The following WWOX variants were observed in gnomAD, a reference collection of about 807,000 sequenced individuals.
WWOX encodes WW domain containing oxidoreductase.
Under a neutral mutation model 46.2 loss-of-function variants are expected in WWOX, and 69 were observed. That is an observed-to-expected ratio of 1.49 (90% CI 1.23 to 1.82). The LOEUF (loss-of-function observed/expected upper bound fraction) is 1.82. WWOX is among the 40% of genes most tolerant of loss of function. The pLI, the probability that WWOX is intolerant of heterozygous loss-of-function variation, is 0.00. For missense variants in WWOX, 919 were observed against 542.6 expected (o/e 1.69, Z -6.89); for synonymous variants, 359 against 202.6 (o/e 1.77, Z -6.56).
At chr16:78,586,163 C>T (rs934089114) in intron 8 of WWOX, among the ~76,000 whole-genome samples, 1 of 152,004 alleles carries the variant, frequency 6.6e-6, no homozygotes, top group East Asian at 1.9e-4. Flanking sequence ...TCAAGACTAG[C>T]CTGGGCAACA....
At chr16:78,659,842 C>G (rs1159136272) in intron 8 of WWOX, among the ~76,000 whole-genome samples, 1 of 152,156 alleles carries the variant, frequency 6.6e-6, no homozygotes, top group Admixed American at 6.5e-5. Context: ...CAGCATGACT[C>G]TCCTTACACA....
chr16:78,249,603 G>A (rs1044552363), intron 5 of WWOX, among the ~76,000 whole-genome samples: 1 of 152,216 alleles, frequency 6.6e-6, no homozygotes, highest in Non-Finnish European at 1.5e-5. Context: ...AGGTGAGAAG[G>A]CCGTTCATCT....
At position 78,915,182 on chromosome 16, in the gene WWOX, TCCA is replaced by T. The variant is rs562205171; in HGVS notation, c.1057-296418_1057-296416del. Among the ~76,000 whole-genome samples, 288 of 152,246 alleles carry T rather than the reference TCCA, an allele frequency of 1.9e-3. 3 individuals are homozygous for T. Among genetic ancestry groups the T allele is most frequent in the African/African-American group, 6.4e-3 (267 of 41,554 alleles). On this transcript the variant is annotated intron_variant, in intron 8 of 8. Transcript: ENST00000566780. ...TTTCTTCATGTGCCTCCCCATTCAC[TCCA>T]CCACCACTCACCCCAAATCAGATCA...
chr16:78,292,104 T>C (rs2079869854), intron 5 of WWOX, among the ~76,000 whole-genome samples: 1 of 151,394 alleles, frequency 6.6e-6, no homozygotes, highest in Non-Finnish European at 1.5e-5. Flanking sequence ...TGTCATTCTA[T>C]TGTCCAGGCT....
chr16:78,713,317 C>T (rs1022396633), intron 8 of WWOX, among the ~76,000 whole-genome samples: 1 of 147,792 alleles, frequency 6.8e-6, no homozygotes, highest in Non-Finnish European at 1.5e-5. Context: ...TAGCACACCC[C>T]AAAACTTCTA....
intron 8 of WWOX, among the ~76,000 whole-genome samples, chr16:79,140,222 A>G (rs1187948499): frequency 6.6e-6 from 1 of 152,220 alleles, no homozygotes; most frequent in African/African-American, 2.4e-5. Flanking sequence ...GGCTAAACCA[A>G]AAATAAACTT....
At chr16:78,429,421 A>T (rs6564558) in intron 7 of WWOX, among the ~76,000 whole-genome samples, 1 of 152,004 alleles carries the variant, frequency 6.6e-6, no homozygotes, top group Non-Finnish European at 1.5e-5. Flanking sequence ...AAAAATCACC[A>T]TGATATCCAG....
intron 5 of WWOX, among the ~76,000 whole-genome samples, chr16:78,221,599 T>C (rs1397381682): frequency 2.0e-5 from 3 of 152,140 alleles, no homozygotes; most frequent in Non-Finnish European, 4.4e-5. Flanking sequence ...CAAATCACAA[T>C]ATTGAAGCAG....
At chr16:79,169,076 G>T (rs1413688818) in intron 8 of WWOX, among the ~76,000 whole-genome samples, 1 of 152,172 alleles carries the variant, frequency 6.6e-6, no homozygotes, top group African/African-American at 2.4e-5. Context: ...TGTGCTAGCT[G>T]TTTTATAAAC....
intron 8 of WWOX, among the ~76,000 whole-genome samples, chr16:79,023,368 G>A (rs756814578): frequency 7.9e-5 from 12 of 152,222 alleles, no homozygotes; most frequent in Non-Finnish European, 1.3e-4. Context: ...GGGAGATGAG[G>A]AATGTGCCTA....
At chr16:78,577,301 G>A (rs1567656504) in intron 8 of WWOX, among the ~76,000 whole-genome samples, 1 of 152,134 alleles carries the variant, frequency 6.6e-6, no homozygotes, top group Non-Finnish European at 1.5e-5. Context: ...TGTATTTGGT[G>A]GTGGTGCAGG....
intron 8 of WWOX, among the ~76,000 whole-genome samples, chr16:78,696,234 A>T (rs1395559809): frequency 6.6e-6 from 1 of 152,136 alleles, no homozygotes; most frequent in Admixed American, 6.5e-5. Context: ...ACAAAGAGTG[A>T]TACTAATACC....
intron 8 of WWOX, among the ~76,000 whole-genome samples, chr16:78,537,502 A>G (rs1173327486): frequency 6.6e-6 from 1 of 152,110 alleles, no homozygotes; most frequent in Non-Finnish European, 1.5e-5. Context: ...CGTTTTCATC[A>G]TTATCATATG....
At chr16:78,597,756 ATG>A (rs200277680) in intron 8 of WWOX, among the ~76,000 whole-genome samples, 21 of 77,078 alleles carry the variant, frequency 2.7e-4, no homozygotes, top group African/African-American at 5.0e-4. Context: ...GTTTATTTAT[ATG>A]TGTATATATA....
chr16:78,592,165 A>G (rs1567666299), intron 8 of WWOX, among the ~76,000 whole-genome samples: 1 of 152,318 alleles, frequency 6.6e-6, no homozygotes, highest in African/African-American at 2.4e-5. Flanking sequence ...TGGTACAAAA[A>G]AGGTCTGCTA....
At chr16:78,836,469 C>T (rs1267931652) in intron 8 of WWOX, among the ~76,000 whole-genome samples, 1 of 152,186 alleles carries the variant, frequency 6.6e-6, no homozygotes, top group Non-Finnish European at 1.5e-5. Context: ...GGGTGGCATC[C>T]ACTCTTCTAG....
At chr16:79,172,771 A>G (rs542255937) in intron 8 of WWOX, among the ~76,000 whole-genome samples, 1 of 152,114 alleles carries the variant, frequency 6.6e-6, no homozygotes, top group Non-Finnish European at 1.5e-5. Context: ...CACGCCTGTA[A>G]TTCCAGCACT....
At chr16:78,827,049 A>C (rs7184580) in intron 8 of WWOX, among the ~76,000 whole-genome samples, 34,147 of 152,006 alleles carry the variant, frequency 0.22, 3,910 homozygotes, top group Admixed American at 0.27. Context: ...AGATGGTGCA[A>C]GGGAACCAGA....
chr16:78,764,414 G>C (rs150083295), intron 8 of WWOX, among the ~76,000 whole-genome samples: 1 of 151,048 alleles, frequency 6.6e-6, no homozygotes, highest in African/African-American at 2.4e-5. Flanking sequence ...TCCTCTTGTT[G>C]GAAGGGAAAT....
Sources: allele counts gnomAD v4.1 joint callset (sites outside exome capture counted in the v4.1 genomes callset), GRCh38; gene constraint gnomAD v4.1.1; transcripts MANE v1.5; gene names NCBI Gene and HGNC (gene_info 2026-07-23, HGNC 2026-07-21).